Variants in GLIS3 observed in about 807,000 individuals in gnomAD.
GLIS3 encodes the protein GLIS family zinc finger 3.
A neutral mutation model predicts 78.6 loss-of-function variants in GLIS3; 53 were observed. The observed-to-expected ratio is 0.67, with a 90% CI of 0.54 to 0.85. The LOEUF (loss-of-function observed/expected upper bound fraction) is 0.85. Among genes scored for constraint, GLIS3 ranks in the 40% least tolerant of loss-of-function variants. The pLI, the probability that GLIS3 is intolerant of heterozygous loss-of-function variation, is 0.00. For synonymous variants in GLIS3, 684 were observed against 509.9 expected (o/e 1.34, Z -4.60); for missense variants, 1,703 against 1,231.1 (o/e 1.38, Z -5.74).
chr9:4,359,613 G>C, the GLIS3 span, among the ~76,000 whole-genome samples: 1 of 152,166 alleles, frequency 6.6e-6, no homozygotes, highest in Non-Finnish European at 1.5e-5. Flanking sequence ...GAACTTGGGA[G>C]TATACAGTAC....
At chr9:4,447,014 C>T in the GLIS3 span, among the ~76,000 whole-genome samples, 8 of 152,002 alleles carry the variant, frequency 5.3e-5, no homozygotes, top group East Asian at 3.9e-4. Flanking sequence ...ATGATGTACC[C>T]TATGCCTGTA....
the GLIS3 span, among the ~76,000 whole-genome samples, chr9:4,368,151 C>A: frequency 6.6e-6 from 1 of 152,134 alleles, no homozygotes; most frequent in Non-Finnish European, 1.5e-5. Flanking sequence ...CTTATATCAG[C>A]TTTTAAGTGG....
intron 2 of GLIS3, among the ~76,000 whole-genome samples, chr9:4,131,479 G>A (rs896027667): frequency 4.6e-5 from 7 of 152,296 alleles, no homozygotes; most frequent in Admixed American, 4.6e-4. Context: ...CTTCATGAAT[G>A]GTTTGGCACT....
At chr9:4,362,374 G>T in the GLIS3 span, among the ~76,000 whole-genome samples, 10 of 152,252 alleles carry the variant, frequency 6.6e-5, no homozygotes, top group Middle Eastern at 0.017. Flanking sequence ...AAAAGAAATT[G>T]CTGTATCATT....
chr9:3,956,028 C>CCAAAAAAAAAAAAAAAAAA (rs1491307787), intron 4 of GLIS3, among the ~76,000 whole-genome samples: 6 of 87,626 alleles, frequency 6.8e-5, no homozygotes, highest in Non-Finnish European at 6.9e-5. Context: ...CCAGATTCAG[C>CCAAAAAAAAAAAAAAAAAA]AAAAAAAAAA....
the GLIS3 span, among the ~76,000 whole-genome samples, chr9:4,415,319 G>A: frequency 1.3e-5 from 2 of 152,092 alleles, no homozygotes; most frequent in Non-Finnish European, 2.9e-5. Flanking sequence ...GTCCTGGCAG[G>A]GTAAATACAT....
chr9:4,148,567 A>C (rs1283211828), intron 2 of GLIS3, among the ~76,000 whole-genome samples: 1 of 151,900 alleles, frequency 6.6e-6, no homozygotes, highest in East Asian at 1.9e-4. Flanking sequence ...CTTTCCCCCT[A>C]AACTGGCAGG....
chr9:4,201,588 C>T (rs1352821062), intron 2 of GLIS3, among the ~76,000 whole-genome samples: 1 of 151,978 alleles, frequency 6.6e-6, no homozygotes, highest in East Asian at 1.9e-4. Flanking sequence ...GTCACAATAG[C>T]CACACAAAGA....
chr9:3,975,945 G>C (rs1380946495), intron 4 of GLIS3, among the ~76,000 whole-genome samples: 1 of 152,086 alleles, frequency 6.6e-6, no homozygotes, highest in East Asian at 1.9e-4. Context: ...CCCCAGGTAG[G>C]TGAAACACCA....
At chr9:4,451,579 A>C in the GLIS3 span, among the ~76,000 whole-genome samples, 1 of 152,254 alleles carries the variant, frequency 6.6e-6, no homozygotes, top group East Asian at 1.9e-4. Context: ...CTTACCCCAA[A>C]ATTGACCACA....
At chr9:4,153,173 T>G (rs1224960787) in intron 2 of GLIS3, among the ~76,000 whole-genome samples, 1 of 152,202 alleles carries the variant, frequency 6.6e-6, no homozygotes, top group African/African-American at 2.4e-5. Context: ...ACCACTGAAT[T>G]AATGCAAAGT....
chr9:4,098,820 G>A (rs2130789807), intron 4 of GLIS3, among the ~76,000 whole-genome samples: 1 of 152,058 alleles, frequency 6.6e-6, no homozygotes, highest in South Asian at 2.1e-4. Flanking sequence ...TTACTCATTT[G>A]TCACCCCAAA....
chr9:4,402,391 T>C, the GLIS3 span, among the ~76,000 whole-genome samples: 5 of 152,232 alleles, frequency 3.3e-5, no homozygotes, highest in South Asian at 6.2e-4. Context: ...TTACAATAAG[T>C]ACCAAACTCT....
chr9:4,441,112 A>C, the GLIS3 span, among the ~76,000 whole-genome samples: 1 of 152,122 alleles, frequency 6.6e-6, no homozygotes, highest in African/African-American at 2.4e-5. Flanking sequence ...GGATAATTTT[A>C]CTTCCTCCTT....
chr9:4,415,096 A>G, the GLIS3 span, among the ~76,000 whole-genome samples: 3 of 152,288 alleles, frequency 2.0e-5, no homozygotes, highest in South Asian at 6.2e-4. Context: ...GGTTAAAATA[A>G]GCTTACATTT....
At position 4,286,230 on chromosome 9, in the gene GLIS3, C is replaced by A. The variant is rs750087018; in HGVS notation, c.196G>T (p.Gly66Ter). 1.2e-6 allele frequency: 2 copies of A among 1,614,214 alleles called. No homozygotes were observed. Among genetic ancestry groups the A allele is most frequent in the East Asian group, 4.5e-5 (2 of 44,880 alleles). ...NNLHLKMPSG[G>*]GMAPQNNVAE... is the part of the protein sequence containing the mutation. The stretch of plus-strand genomic sequence containing the variant: ...ACGTTGTTCTGAGGAGCCATCCCTC[C>A]TCCTGAGGGCATCTTGAGATGGAGG... The change falls in exon 2 of 11, where the codon GGA (glycine) becomes TGA (stop). Residue 66 changes from glycine (G) to a stop codon, truncating the protein, a stop_gained. Transcript: ENST00000381971. LOFTEE classifies it high-confidence loss of function.
At chr9:4,429,782 A>T in the GLIS3 span, among the ~76,000 whole-genome samples, 15 of 152,258 alleles carry the variant, frequency 9.9e-5, no homozygotes, top group East Asian at 2.3e-3. Context: ...AAGTGACGAA[A>T]CTGTATGCAG....
chr9:3,940,221 A>G (rs910921370), intron 4 of GLIS3, among the ~76,000 whole-genome samples: 1 of 152,226 alleles, frequency 6.6e-6, no homozygotes, highest in African/African-American at 2.4e-5. Flanking sequence ...TACAAAATAT[A>G]CCAAAATTGG....
chr9:3,979,273 G>A lies in GLIS3; in HGVS notation c.1711-42084C>T, dbSNP rs16920216. 9.0e-3 allele frequency among the ~76,000 whole-genome samples: 1,363 copies of A among 152,222 alleles called. 18 individuals carry two copies. Among genetic ancestry groups the A allele is most frequent in the African/African-American group, 0.031 (1,302 of 41,534 alleles). On this transcript the variant is annotated intron_variant, in intron 4 of 10. Transcript: ENST00000381971. ...CTGCAATGCTATTCATCACTCCCCA[G>A]AATAACCTGAACATTCTCTGGACCC...
Sources: gnomAD v4.1 joint callset for allele counts (sites outside exome capture counted in the v4.1 genomes callset) on GRCh38, gnomAD v4.1.1 for gene constraint, MANE v1.5 for transcripts, NCBI Gene and HGNC (gene_info 2026-07-23, HGNC 2026-07-21) for gene names.